NAGK: variants seen among roughly 807,000 people sequenced by gnomAD.
NAGK encodes the protein N-acetylglucosamine kinase, also known as N-acetyl-D-glucosamine kinase.
Under a neutral mutation model 42.9 loss-of-function variants are expected in NAGK, and 35 were observed. The observed-to-expected ratio is 0.82, with a 90% CI of 0.62 to 1.08. NAGK has a LOEUF of 1.08. NAGK is among the 50% of genes least tolerant of loss of function. The probability of loss-of-function intolerance (pLI) is 0.00; values close to 1 mark genes in which losing one functional copy is unlikely to be tolerated. For missense variants in NAGK, 446 were observed against 446.0 expected (o/e 1.00, Z 0.00); for synonymous variants, 172 against 176.0 (o/e 0.98, Z 0.18).
Position 71,076,689 on chromosome 2 carries a change from C to G in NAGK, c.753C>G (p.Pro251=). 6.2e-7 allele frequency: 1 copy of G among 1,613,310 alleles called. No homozygotes were observed. The highest frequency in any genetic ancestry group is 1.1e-5 in the South Asian group (1 of 91,030). The change falls in exon 8 of 10, where the codon CCC becomes CCG. Residue 251 remains proline (P), a synonymous_variant. Coordinates refer to ENST00000244204, the MANE Select transcript of NAGK (RefSeq NM_017567.6). The stretch of plus-strand genomic sequence containing the variant: ...GCAGACACATCGTAGCAGTGTTGCC[C>G]GAGATTGACCCGGTGAGTTGAGGTG... The part of the protein sequence containing the change: ...MLGRHIVAVL[P]EIDPVLFQGK...
At position 71,070,509 on chromosome 2, in the gene NAGK, A is replaced by C; in HGVS notation, c.37A>C (p.Thr13Pro). The change falls in exon 2 of 10, where the codon ACA becomes CCA. Residue 13 changes from threonine (T) to proline (P), a missense_variant. Coordinates refer to ENST00000244204, the MANE Select transcript of NAGK (RefSeq NM_017567.6). ...AIYGGVEGGG[T>P]RSEVLLVSED... ...CCCTCTTGTGTTCTGTAGGGGAGGC[A>C]CACGATCCGAGGTCCTTTTAGTCTC... The C allele has an allele frequency of 6.2e-7, 1 of 1,613,874 alleles. No individual in the cohort carries two copies. Among genetic ancestry groups the C allele is most frequent in the Non-Finnish European group, 8.5e-7 (1 of 1,179,868 alleles).
At position 71,073,184 on chromosome 2, in the gene NAGK, C is replaced by T. The variant is rs937859473; in HGVS notation, c.467-298C>T. 5.9e-5 allele frequency: 30 copies of T among 507,196 alleles called. No homozygotes were observed. In the East Asian group the frequency reaches 8.1e-4, roughly 14 times the overall value. 31.4% of individuals were successfully genotyped at this position (507,196 alleles called of 1,614,324 possible). Reference sequence around the variant, plus strand: ...GAGGTCCAGTTCATGGCAGTGACTCCGGTGGTATTTGTGACAACAGACTGA... The same window carrying T: ...GAGGTCCAGTTCATGGCAGTGACTCTGGTGGTATTTGTGACAACAGACTGA... On this transcript the variant is annotated intron_variant, in intron 5 of 9. Transcript: ENST00000244204.
intron 2 of NAGK, 65 bp downstream of exon 2, chr2:71,070,651 AG>A: frequency 6.2e-7 from 1 of 1,605,176 alleles, no homozygotes; most frequent in South Asian, 1.1e-5. Context: ...ATTCCTGTTG[AG>A]GTGGTGGCTG....
At chr2:71,073,344 G>GCCCCCCCCCCCC in intron 5 of NAGK, 138 bp from the exon 6 acceptor site, 1 of 224,624 alleles carries the variant, frequency 4.5e-6, no homozygotes. Flanking sequence ...CCCACCCCCT[G>GCCCCCCCCCCCC]CCACCCCTGG....
intron 6 of NAGK, chr2:71,074,474 A>G (rs1160995377): frequency 3.3e-5 from 5 of 152,302 alleles, no homozygotes; most frequent in African/African-American, 9.7e-5. Flanking sequence ...TCCAAACTCT[A>G]CTGATAGGTC....
chr2:71,073,926 A>G (rs1672120985), intron 6 of NAGK, among the ~76,000 whole-genome samples: 1 of 152,138 alleles, frequency 6.6e-6, no homozygotes, highest in Non-Finnish European at 1.5e-5. Flanking sequence ...GCAGGATGAG[A>G]TCACAGGGCA....
chr2:71,073,606 G>C lies in NAGK; in HGVS notation c.579+12G>C. 6.3e-7 allele frequency: 1 copy of C among 1,593,056 alleles called. No homozygotes were observed. Reference sequence around the variant, plus strand: ...TCCACTATTTCCAGGTACTCCTCCTGCTCCCAGTAAACATGCGCACCTGGG... The same window carrying C: ...TCCACTATTTCCAGGTACTCCTCCTCCTCCCAGTAAACATGCGCACCTGGG... On this transcript the variant is annotated intron_variant, in intron 6 of 9. Coordinates refer to ENST00000244204, the MANE Select transcript of NAGK (RefSeq NM_017567.6).
At chr2:71,076,401 C>T (rs1446247245) in intron 7 of NAGK, 4 of 522,994 alleles carry the variant, frequency 7.6e-6, no homozygotes, top group African/African-American at 5.8e-5. Flanking sequence ...GTACAGGGCA[C>T]CCCTCTACAG....
chr2:71,075,862 T>G (rs1861853), intron 7 of NAGK: 1 of 569,522 alleles, frequency 1.8e-6, no homozygotes, highest in East Asian at 2.8e-5. Flanking sequence ...TTTTTTTCTT[T>G]AATAGCTATC....
Position 71,075,620 on chromosome 2 carries a change from G to A in NAGK, c.645G>A (p.Gly215=). The change falls in exon 7 of 10, where the codon GGG becomes GGA. Residue 215 remains glycine, a synonymous_variant. Transcript: ENST00000244204. ...ACTTTGATAAATGCAGGTTTGCTGG[G>A]TTTTGCCGGAAAATTGCAGAAGGTA... The part of the protein sequence containing the change: ...YRDFDKCRFA[G]FCRKIAEGAQ... The A allele has an allele frequency of 1.2e-6, 2 of 1,608,032 alleles. No homozygotes were observed. The highest frequency in any genetic ancestry group is 1.7e-6 in the Non-Finnish European group (2 of 1,174,840).
At chr2:71,070,443 G>A in intron 1 of NAGK, 59 bp from the exon 2 acceptor site, 2 of 1,472,230 alleles carry the variant, frequency 1.4e-6, no homozygotes, top group Non-Finnish European at 1.9e-6. Context: ...GACAGCACAA[G>A]CTTAGCTCTC....
chr2:71,076,992 C>G (rs1325653167), intron 8 of NAGK, among the ~76,000 whole-genome samples: 1 of 151,960 alleles, frequency 6.6e-6, no homozygotes, highest in East Asian at 1.9e-4. Flanking sequence ...GAGACACAGT[C>G]TCACTCTGTC....
At position 71,078,458 on chromosome 2, in the gene NAGK, A is replaced by G. The variant is rs1442058928; in HGVS notation, c.985A>G (p.Met329Val). ...GARHIGHLLP[M>V]DYSANAIAFY... ...CAGGCACATCGGGCACCTCCTCCCC[A>G]TGGACTATAGCGCCAATGCCATTGC... is the stretch of plus-strand genomic sequence containing the variant. Residue 329 changes from methionine (M) to valine (V), a missense_variant, in exon 10 of 10, where the codon ATG becomes GTG. Transcript: ENST00000244204. 5.6e-6 allele frequency: 9 copies of G among 1,610,224 alleles called. No individual in the cohort carries two copies. The highest frequency in any genetic ancestry group is 1.1e-5 in the South Asian group (1 of 90,642).
At position 71,075,535 on chromosome 2, in the gene NAGK, T is replaced by C. The variant is rs370429534; in HGVS notation, c.580-20T>C. ...TTTCCTTTGCTTCTGATGACTCTCT[T>C]GTGCCCTTTCTCCTCTCAGGTGCCA... On this transcript the variant is annotated intron_variant, in intron 6 of 9. Coordinates refer to ENST00000244204, the MANE Select transcript of NAGK (RefSeq NM_017567.6). 6.7e-4 allele frequency: 1,072 copies of C among 1,589,806 alleles called. No individual in the cohort carries two copies. The highest frequency in any genetic ancestry group is 8.7e-4 in the Non-Finnish European group (1,003 of 1,158,134).
In NAGK at chr2:71,068,716, A is replaced by G; in HGVS notation, c.29+4A>G. On this transcript the variant is annotated splice_donor_region_variant and intron_variant, in intron 1 of 9. Transcript: ENST00000244204. ...CGATCTATGGGGGTGTAGAGGGGTG[A>G]GTGCGGCCCGGCGGAGGGAGCCTGG... is the stretch of plus-strand genomic sequence containing the variant. 1 of 1,462,220 alleles carries G rather than the reference A, an allele frequency of 6.8e-7. No homozygotes were observed. Among genetic ancestry groups the G allele is most frequent in the Non-Finnish European group, 9.0e-7 (1 of 1,110,202 alleles). 90.6% of individuals were successfully genotyped at this position (1,462,220 alleles called of 1,614,324 possible).
At position 71,072,661 on chromosome 2, in the gene NAGK, G is replaced by A. The variant is rs907555585; in HGVS notation, c.376G>A (p.Gly126Arg). The change falls in exon 5 of 10, where the codon GGA becomes AGA. Residue 126 changes from glycine (G) to arginine (R), a missense_variant. Gly to Arg is a moderately radical substitution (Grantham distance 125, BLOSUM62 -2). Coordinates refer to ENST00000244204, the MANE Select transcript of NAGK (RefSeq NM_017567.6). ...CCCAGGTGGAGTTGTGCTCATATCT[G>A]GAACAGGCTCCAACTGCAGGCTCAT... Reference protein sequence around the residue: ...TPDGGVVLISGTGSNCRLINP... With the variant: ...TPDGGVVLISRTGSNCRLINP... The A allele has an allele frequency of 1.9e-6, 3 of 1,613,938 alleles. No homozygotes were observed. In the African/African-American group the frequency reaches 4.0e-5, roughly 22 times the overall value.
chr2:71,072,254 C>G (rs1220782940), intron 4 of NAGK: 2 of 259,106 alleles, frequency 7.7e-6, no homozygotes, highest in African/African-American at 4.4e-5. Flanking sequence ...TTTCAGTTTT[C>G]TCATCTATAA....
intron 7 of NAGK, 169 bp from the exon 8 acceptor site, chr2:71,076,435 C>T (rs1449150212): frequency 3.5e-6 from 2 of 575,652 alleles, no homozygotes; most frequent in East Asian, 3.0e-5. Flanking sequence ...GTATGTTTGT[C>T]AGTGGAGACT....
At chr2:71,070,891 C>T (rs1244273257) in intron 3 of NAGK, 52 bp downstream of exon 3, 1 of 1,580,122 alleles carries the variant, frequency 6.3e-7, no homozygotes, top group Admixed American at 1.7e-5. Flanking sequence ...ACTGAGACAG[C>T]TAGCAAGTTT....
Sources: allele counts gnomAD v4.1 joint callset (sites outside exome capture counted in the v4.1 genomes callset), GRCh38; gene constraint gnomAD v4.1.1; transcripts MANE v1.5; gene names NCBI Gene and HGNC (gene_info 2026-07-23, HGNC 2026-07-21).